LGSN: variants seen among roughly 807,000 people sequenced by gnomAD.
LGSN encodes lengsin, lens protein with glutamine synthetase domain.
LGSN carries 21 observed loss-of-function variants against 19.5 expected under a neutral mutation model. The ratio of observed to expected loss-of-function variants is 1.07; its 90% CI spans 0.76 to 1.55. The LOEUF is 1.55. LGSN is among the 40% of genes most tolerant of loss of function. The pLI is 0.00. For synonymous variants in LGSN, 257 were observed against 215.6 expected (o/e 1.19, Z -1.68); for missense variants, 673 against 608.5 (o/e 1.11, Z -1.12).
At chr6:63,572,285 G>A in the LGSN span, 1 of 196,738 alleles carries the variant, frequency 5.1e-6, no homozygotes, top group Non-Finnish European at 1.0e-5. Context: ...CCCCGCCCCG[G>A]GGATGCTCCG....
chr6:63,468,902 C>T, the LGSN span, among the ~76,000 whole-genome samples: 21 of 152,262 alleles, frequency 1.4e-4, no homozygotes, highest in Non-Finnish European at 2.2e-4. Context: ...GCTTGCTTCA[C>T]AATGCCTGGC....
chr6:63,456,737 A>G, the LGSN span, among the ~76,000 whole-genome samples: 1 of 152,118 alleles, frequency 6.6e-6, no homozygotes, highest in Non-Finnish European at 1.5e-5. Flanking sequence ...AAATTCTGGC[A>G]CTGGCCAAAG....
the LGSN span, among the ~76,000 whole-genome samples, chr6:63,332,395 G>A: frequency 5.3e-5 from 8 of 152,142 alleles, no homozygotes; most frequent in Non-Finnish European, 1.0e-4. Flanking sequence ...ATAGATGGGC[G>A]AGTCTCACTT....
At chr6:63,304,124 T>A (rs1242132628) in intron 1 of LGSN, among the ~76,000 whole-genome samples, 2 of 152,242 alleles carry the variant, frequency 1.3e-5, no homozygotes, top group Non-Finnish European at 2.9e-5. Flanking sequence ...TATCTCTTGA[T>A]GGATGCAAGA....
the LGSN span, among the ~76,000 whole-genome samples, chr6:63,386,276 G>T: frequency 6.6e-6 from 1 of 152,226 alleles, no homozygotes; most frequent in East Asian, 1.9e-4. Flanking sequence ...AATTCAGTGG[G>T]ATAAGACATG....
intron 1 of LGSN, among the ~76,000 whole-genome samples, chr6:63,304,541 G>A (rs1011450779): frequency 1.3e-5 from 2 of 152,176 alleles, no homozygotes; most frequent in African/African-American, 4.8e-5. Flanking sequence ...TAGAGATTCA[G>A]TTACAAGAGA....
chr6:63,371,475 C>A, the LGSN span, among the ~76,000 whole-genome samples: 1 of 152,140 alleles, frequency 6.6e-6, no homozygotes. Context: ...ATATTAAATA[C>A]TTTTTTTAGA....
At chr6:63,518,717 G>A in the LGSN span, among the ~76,000 whole-genome samples, 1 of 152,248 alleles carries the variant, frequency 6.6e-6, no homozygotes, top group East Asian at 1.9e-4. Context: ...CAACAGAGAG[G>A]ACAAAAGCAG....
chr6:63,351,106 G>A, the LGSN span, among the ~76,000 whole-genome samples: 1 of 152,050 alleles, frequency 6.6e-6, no homozygotes, highest in Non-Finnish European at 1.5e-5. Flanking sequence ...TGGGATTAGT[G>A]TCTTTATAAA....
intron 1 of LGSN, among the ~76,000 whole-genome samples, chr6:63,302,646 T>C (rs907412349): frequency 1.3e-5 from 2 of 152,242 alleles, no homozygotes; most frequent in Non-Finnish European, 2.9e-5. Flanking sequence ...ATATGCAATT[T>C]GAATGAGGTT....
At chr6:63,406,628 A>G in the LGSN span, among the ~76,000 whole-genome samples, 2 of 151,908 alleles carry the variant, frequency 1.3e-5, no homozygotes, top group African/African-American at 4.9e-5. Context: ...CTAGAAAAGC[A>G]AGAGCAAACA....
chr6:63,563,222 A>G, the LGSN span, among the ~76,000 whole-genome samples: 1 of 152,202 alleles, frequency 6.6e-6, no homozygotes, highest in Admixed American at 6.5e-5. Context: ...ATTTCCTGAT[A>G]TGTGGTGTGA....
chr6:63,547,637 C>G, the LGSN span, among the ~76,000 whole-genome samples: 1 of 151,148 alleles, frequency 6.6e-6, no homozygotes, highest in East Asian at 1.9e-4. Flanking sequence ...TCCCGAGTAG[C>G]TGGGACTACA....
At chr6:63,378,921 G>A in the LGSN span, among the ~76,000 whole-genome samples, 2 of 152,150 alleles carry the variant, frequency 1.3e-5, no homozygotes, top group African/African-American at 4.8e-5. Flanking sequence ...TTTATTCTGA[G>A]GGTATCAAAG....
At chr6:63,431,783 T>C in the LGSN span, among the ~76,000 whole-genome samples, 1 of 152,086 alleles carries the variant, frequency 6.6e-6, no homozygotes, top group African/African-American at 2.4e-5. Context: ...AGAAACAGCA[T>C]TGGCCGGGTG....
chr6:63,412,758 A>G, the LGSN span, among the ~76,000 whole-genome samples: 2 of 39,138 alleles, frequency 5.1e-5, no homozygotes, highest in South Asian at 8.6e-4. Context: ...AAAGAAAGAA[A>G]GAAAGAAAGA....
At chr6:63,365,542 A>T in the LGSN span, among the ~76,000 whole-genome samples, 2 of 152,184 alleles carry the variant, frequency 1.3e-5, no homozygotes, top group Admixed American at 6.5e-5. Flanking sequence ...TTCTGAAACT[A>T]TTCCAATCAA....
rs1767100826 is a variant in LGSN at position 63,276,158 on chromosome 6, A to G, written c.*3863T>C. On this transcript the variant is annotated 3_prime_UTR_variant, in exon 4 of 4. Transcript: ENST00000370657. ...TATTGTCCAGTCATACCTATATCAT[A>G]AACATATTGGTGAGTGTATTTTGTC... 6.6e-6 allele frequency: 1 copy of G among 152,216 alleles called. No homozygotes were observed. The highest frequency in any genetic ancestry group is 1.5e-5 in the Non-Finnish European group (1 of 68,036). 9.4% of individuals were successfully genotyped at this position (152,216 alleles called of 1,614,324 possible).
At chr6:63,385,282 AC>A in the LGSN span, among the ~76,000 whole-genome samples, 4 of 149,422 alleles carry the variant, frequency 2.7e-5, no homozygotes, top group African/African-American at 7.7e-5. Context: ...CCATCTGAGA[AC>A]TGGTTTCCAT....
Sources: gnomAD v4.1 joint callset for allele counts (sites outside exome capture counted in the v4.1 genomes callset) on GRCh38, gnomAD v4.1.1 for gene constraint, MANE v1.5 for transcripts, NCBI Gene and HGNC (gene_info 2026-07-23, HGNC 2026-07-21) for gene names.